NEBL: variants seen among roughly 807,000 people sequenced by gnomAD.
The protein encoded by NEBL is nebulette.
In NEBL, 122 loss-of-function variants were observed where a neutral mutation model predicts 140.2. The observed-to-expected ratio is 0.87, with a 90% CI of 0.75 to 1.01. NEBL has a LOEUF of 1.01. Among genes scored for constraint, NEBL ranks in the 50% least tolerant of loss-of-function variants. The pLI, the probability that NEBL is intolerant of heterozygous loss-of-function variation, is 0.00. For missense variants in NEBL, 1,365 were observed against 1,231.3 expected, an observed-to-expected ratio of 1.11 and a Z score of -1.62; for synonymous variants, 436 against 398.9, an observed-to-expected ratio of 1.09 and a Z score of -1.11.
chr10:21,223,825 T>C (rs948542441), intron 3 of NEBL, among the ~76,000 whole-genome samples: 2 of 152,252 alleles, frequency 1.3e-5, no homozygotes, highest in Admixed American at 6.5e-5. Flanking sequence ...GTTTGCTCTT[T>C]GTATGTCTTC....
chr10:21,247,835 G>A (rs1842536763), intron 3 of NEBL: 1 of 188,878 alleles, frequency 5.3e-6, no homozygotes, highest in Admixed American at 5.6e-5. Flanking sequence ...TCCTAGATAT[G>A]TCTCTAGATG....
intron 2 of NEBL, among the ~76,000 whole-genome samples, chr10:21,102,754 A>G (rs1837531663): frequency 6.6e-6 from 1 of 152,234 alleles, no homozygotes; most frequent in Non-Finnish European, 1.5e-5. Context: ...GAGCTATCAG[A>G]AATAAAGCTG....
chr10:21,243,938 A>AAG (rs113108843), intron 3 of NEBL, among the ~76,000 whole-genome samples: 214 of 136,406 alleles, frequency 1.6e-3, no homozygotes, highest in African/African-American at 5.0e-3. Context: ...GGAAAGGGAA[A>AAG]GGGAAGGGGA....
chr10:20,874,525 T>C (rs914842120), intron 5 of NEBL, among the ~76,000 whole-genome samples: 6 of 152,164 alleles, frequency 3.9e-5, no homozygotes, highest in Non-Finnish European at 4.4e-5. Flanking sequence ...AGAAAGCACC[T>C]GTCTGAAAGT....
intron 1 of NEBL, among the ~76,000 whole-genome samples, chr10:21,262,389 C>A (rs1351738601): frequency 1.3e-5 from 2 of 152,198 alleles, no homozygotes; most frequent in Non-Finnish European, 2.9e-5. Context: ...CTCTGGCCCA[C>A]TCGGCTAGGG....
chr10:21,266,255 C>T (rs890596759), intron 1 of NEBL, among the ~76,000 whole-genome samples: 2 of 152,136 alleles, frequency 1.3e-5, no homozygotes, highest in Non-Finnish European at 2.9e-5. Context: ...GATTCTCCCA[C>T]CTTAGCCTCC....
chr10:20,788,407 T>C (rs1588594196), intron 26 of NEBL, among the ~76,000 whole-genome samples: 1 of 152,132 alleles, frequency 6.6e-6, no homozygotes, highest in Non-Finnish European at 1.5e-5. Context: ...AGAAATAAGA[T>C]TTAATTCTGA....
chr10:21,079,684 G>A (rs938867471), intron 2 of NEBL, among the ~76,000 whole-genome samples: 6 of 152,150 alleles, frequency 3.9e-5, no homozygotes, highest in South Asian at 4.1e-4. Flanking sequence ...TATCTGCCCC[G>A]TAAACACACA....
At chr10:21,017,134 G>C (rs534496804) in intron 3 of NEBL, among the ~76,000 whole-genome samples, 3 of 152,298 alleles carry the variant, frequency 2.0e-5, no homozygotes, top group African/African-American at 7.2e-5. Context: ...AAGTGTGAAA[G>C]GGCAGGTTAT....
chr10:20,827,798 T>G lies in NEBL; in HGVS notation c.1776+732A>C, dbSNP rs143468758. Among the ~76,000 whole-genome samples the G allele has an allele frequency of 1.5e-4, 23 of 152,194 alleles. No individual in the cohort carries two copies. The East Asian group carries it at 4.1e-3, about 27-fold the overall frequency. On this transcript the variant is annotated intron_variant, in intron 17 of 27. Coordinates refer to ENST00000377122, the MANE Select transcript of NEBL (RefSeq NM_006393.3). ...GGACATGGATGGAGCTAGATGCCATTATACTTAGCAAACTAATGCAGGAAC... is the reference window on the plus strand; with the variant it reads ...GGACATGGATGGAGCTAGATGCCATGATACTTAGCAAACTAATGCAGGAAC...
chr10:20,827,256 G>A lies in NEBL; in HGVS notation c.1777-717C>T, dbSNP rs371495012. ...TCCAGTGGCCCCCGCGTGGGTGGGA[G>A]AGCACGGTAGGAGAGATGTTTTCCT... On this transcript the variant is annotated intron_variant, in intron 17 of 27. Transcript: ENST00000377122. 2.0e-5 allele frequency among the ~76,000 whole-genome samples: 3 copies of A among 152,322 alleles called. No individual in the cohort carries two copies. In the East Asian group the frequency reaches 5.8e-4, roughly 29 times the overall value.
chr10:20,832,882 T>A (rs1485679234), intron 14 of NEBL, among the ~76,000 whole-genome samples: 1 of 152,224 alleles, frequency 6.6e-6, no homozygotes, highest in Non-Finnish European at 1.5e-5. Context: ...TATGTTTAAC[T>A]TTCAAAATAT....
intron 2 of NEBL, among the ~76,000 whole-genome samples, chr10:21,077,975 A>T (rs989220802): frequency 1.3e-5 from 2 of 152,230 alleles, no homozygotes; most frequent in African/African-American, 4.8e-5. Flanking sequence ...GATACTGCAG[A>T]GCTGGCTGTC....
At chr10:21,227,653 TTTCTTCTTCTTCTTCTTCTTCTTC>T (rs549558619) in intron 3 of NEBL, among the ~76,000 whole-genome samples, 84 of 83,290 alleles carry the variant, frequency 1.0e-3, no homozygotes, top group African/African-American at 3.2e-3. Context: ...GCACTTGAAG[TTTCTTCTTCTTCTTCTTCTTCTTC>T]TTCTTCTTCT....
At chr10:21,055,914 T>A (rs1835002752) in intron 2 of NEBL, among the ~76,000 whole-genome samples, 1 of 152,156 alleles carries the variant, frequency 6.6e-6, no homozygotes, top group Non-Finnish European at 1.5e-5. Flanking sequence ...TCAGCCAGAG[T>A]ATCTTGGCTC....
intron 3 of NEBL, among the ~76,000 whole-genome samples, chr10:21,209,038 T>C (rs1841873893): frequency 6.6e-6 from 1 of 152,162 alleles, no homozygotes; most frequent in Admixed American, 6.6e-5. Flanking sequence ...CAGAGATGTT[T>C]AAGGAATCCG....
At chr10:20,906,693 G>A (rs998293149) in intron 4 of NEBL, among the ~76,000 whole-genome samples, 1 of 152,004 alleles carries the variant, frequency 6.6e-6, no homozygotes, top group Non-Finnish European at 1.5e-5. Flanking sequence ...TCACTCATTT[G>A]TTATACCAAT....
intron 1 of NEBL, among the ~76,000 whole-genome samples, chr10:21,288,279 C>G (rs1013773840): frequency 4.0e-5 from 6 of 151,872 alleles, no homozygotes; most frequent in Admixed American, 1.3e-4. Flanking sequence ...ACCAGCCTGG[C>G]CAACATAATG....
At chr10:21,255,322 A>G (rs1315438908) in intron 1 of NEBL, among the ~76,000 whole-genome samples, 1 of 152,044 alleles carries the variant, frequency 6.6e-6, no homozygotes, top group Non-Finnish European at 1.5e-5. Context: ...CAAGGTTGAG[A>G]GGAGGAGTCA....
Sources: allele counts gnomAD v4.1 joint callset (sites outside exome capture counted in the v4.1 genomes callset), GRCh38; gene constraint gnomAD v4.1.1; transcripts MANE v1.5; gene names NCBI Gene and HGNC (gene_info 2026-07-23, HGNC 2026-07-21).